The following CDKAL1 variants were observed in gnomAD, a reference collection of about 807,000 sequenced individuals.
The protein encoded by CDKAL1 is CDKAL1 threonylcarbamoyladenosine tRNA methylthiotransferase, also known as threonylcarbamoyladenosine tRNA methylthiotransferase.
CDKAL1 carries 32 observed loss-of-function variants against 68.2 expected under a neutral mutation model. The ratio of observed to expected loss-of-function variants is 0.47; its 90% CI spans 0.35 to 0.63. The LOEUF is 0.63. Ranked by LOEUF, CDKAL1 falls within the 30% of genes least tolerant of loss-of-function variation. The probability of loss-of-function intolerance (pLI) is 0.00; values close to 1 mark genes in which losing one functional copy is unlikely to be tolerated. For missense variants in CDKAL1, 606 were observed against 696.7 expected (o/e 0.87, Z 1.47); for synonymous variants, 234 against 244.3 (o/e 0.96, Z 0.39).
intron 5 of CDKAL1, among the ~76,000 whole-genome samples, chr6:20,659,071 T>G (rs1769164410): frequency 6.6e-6 from 1 of 152,078 alleles, no homozygotes; most frequent in African/African-American, 2.4e-5. Context: ...CTCAATCAAG[T>G]GATCCTCCTG....
At chr6:20,977,230 A>T (rs1765885556) in intron 10 of CDKAL1, among the ~76,000 whole-genome samples, 1 of 152,200 alleles carries the variant, frequency 6.6e-6, no homozygotes, top group South Asian at 2.1e-4. Flanking sequence ...GTGAACATAA[A>T]GCTTATTCAA....
At chr6:20,597,859 A>C (rs1765902626) in intron 4 of CDKAL1, among the ~76,000 whole-genome samples, 1 of 152,230 alleles carries the variant, frequency 6.6e-6, no homozygotes, top group Non-Finnish European at 1.5e-5. Flanking sequence ...GAGTTTCTAA[A>C]AGGAGGAACT....
chr6:21,153,117 T>C (rs1413354643), intron 13 of CDKAL1, among the ~76,000 whole-genome samples: 6 of 152,190 alleles, frequency 3.9e-5, no homozygotes, highest in Non-Finnish European at 7.3e-5. Flanking sequence ...ATTTAGTAAT[T>C]TGTATATGTC....
intron 4 of CDKAL1, among the ~76,000 whole-genome samples, chr6:20,632,850 A>T (rs1411827862): frequency 6.6e-6 from 1 of 152,226 alleles, no homozygotes; most frequent in Non-Finnish European, 1.5e-5. Context: ...CTGTGGGCAC[A>T]TAGAAAGCAG....
chr6:21,083,673 T>C (rs1772536273), intron 12 of CDKAL1, among the ~76,000 whole-genome samples: 2 of 152,240 alleles, frequency 1.3e-5, no homozygotes, highest in Admixed American at 1.3e-4. Context: ...ACAATATGTA[T>C]AGCAATTGCT....
chr6:20,803,043 A>C (rs1776431867), intron 8 of CDKAL1, among the ~76,000 whole-genome samples: 1 of 152,242 alleles, frequency 6.6e-6, no homozygotes, highest in Non-Finnish European at 1.5e-5. Context: ...TTAATCTGGA[A>C]TTATATTAAA....
chr6:21,149,957 A>C (rs1043785500), intron 13 of CDKAL1, among the ~76,000 whole-genome samples: 2 of 152,094 alleles, frequency 1.3e-5, no homozygotes, highest in African/African-American at 4.8e-5. Flanking sequence ...TCCTGGGTTC[A>C]CGCCATTCTC....
intron 5 of CDKAL1, among the ~76,000 whole-genome samples, chr6:20,674,383 A>G (rs1011029759): frequency 6.6e-6 from 1 of 152,182 alleles, no homozygotes; most frequent in African/African-American, 2.4e-5. Flanking sequence ...CTTTTGCACT[A>G]TATCTATTTT....
At chr6:21,147,360 G>C (rs973881048) in intron 13 of CDKAL1, among the ~76,000 whole-genome samples, 1 of 152,100 alleles carries the variant, frequency 6.6e-6, no homozygotes, top group Non-Finnish European at 1.5e-5. Flanking sequence ...CGTAACACCC[G>C]AGTAACTAAC....
chr6:21,011,915 A>T (rs936725077), intron 11 of CDKAL1, among the ~76,000 whole-genome samples: 1 of 152,186 alleles, frequency 6.6e-6, no homozygotes, highest in Non-Finnish European at 1.5e-5. Flanking sequence ...AGTTTGATTC[A>T]TCTGCAAGTG....
chr6:20,981,986 A>AT (rs2150775656), intron 10 of CDKAL1, among the ~76,000 whole-genome samples: 1 of 152,342 alleles, frequency 6.6e-6, no homozygotes, highest in East Asian at 1.9e-4. Flanking sequence ...AGTTTGAAAC[A>AT]TTAAAAAGTC....
intron 13 of CDKAL1, among the ~76,000 whole-genome samples, chr6:21,168,590 A>C (rs1486104304): frequency 2.0e-5 from 3 of 152,236 alleles, no homozygotes; most frequent in African/African-American, 7.2e-5. Context: ...CAATTGGGAA[A>C]AGTGGAAGGG....
chr6:20,974,452 T>C lies in CDKAL1; in HGVS notation c.909+18867T>C, dbSNP rs1181100524. On this transcript the variant is annotated intron_variant, in intron 10 of 15. Coordinates refer to ENST00000274695, the MANE Select transcript of CDKAL1 (RefSeq NM_017774.3). ...CAGCAATCTTTGCCACAACTTCACA[T>C]TGGATAGGGAAAATGAAAAGAACAT... Among the ~76,000 whole-genome samples, 157 of 152,264 alleles carry C rather than the reference T, an allele frequency of 1.0e-3. 2 individuals are homozygous for C. Among genetic ancestry groups the C allele is most frequent in the Non-Finnish European group, 1.8e-4 (12 of 68,006 alleles).
At chr6:20,794,283 T>C (rs1417926674) in intron 8 of CDKAL1, among the ~76,000 whole-genome samples, 2 of 152,148 alleles carry the variant, frequency 1.3e-5, no homozygotes, top group Admixed American at 1.3e-4. Context: ...TAAATATATC[T>C]ACTGTAAATA....
intron 4 of CDKAL1, among the ~76,000 whole-genome samples, chr6:20,568,116 A>C (rs543715292): frequency 4.3e-4 from 65 of 152,046 alleles, no homozygotes; most frequent in African/African-American, 1.5e-3. Flanking sequence ...TGACCTCGTG[A>C]TCCGCCTGCC....
At chr6:21,136,096 G>C (rs866959401) in intron 13 of CDKAL1, among the ~76,000 whole-genome samples, 2 of 152,166 alleles carry the variant, frequency 1.3e-5, no homozygotes, top group African/African-American at 4.8e-5. Flanking sequence ...AGGACAACCA[G>C]ACATGTGTAT....
intron 5 of CDKAL1, among the ~76,000 whole-genome samples, chr6:20,704,354 G>A (rs1042961020): frequency 3.3e-5 from 5 of 152,114 alleles, no homozygotes; most frequent in Non-Finnish European, 7.4e-5. Context: ...TTTTTGTAGC[G>A]TAGTCAAGGA....
At chr6:21,153,492 T>C (rs1776511131) in intron 13 of CDKAL1, among the ~76,000 whole-genome samples, 1 of 152,164 alleles carries the variant, frequency 6.6e-6, no homozygotes, top group Non-Finnish European at 1.5e-5. Context: ...ACCTCTAGAT[T>C]TGTGTGCCCA....
intron 9 of CDKAL1, among the ~76,000 whole-genome samples, chr6:20,947,445 G>T (rs1164823034): frequency 6.6e-6 from 1 of 151,988 alleles, no homozygotes; most frequent in African/African-American, 2.4e-5. Context: ...ACAAAAATTT[G>T]CCAGGTGTGG....
Sources: gnomAD v4.1 joint callset for allele counts (sites outside exome capture counted in the v4.1 genomes callset) on GRCh38, gnomAD v4.1.1 for gene constraint, MANE v1.5 for transcripts, NCBI Gene and HGNC (gene_info 2026-07-23, HGNC 2026-07-21) for gene names.